The following PLCB4 variants were observed in gnomAD, a reference collection of about 807,000 sequenced individuals.
PLCB4 encodes the protein phospholipase C beta 4.
Under a neutral mutation model 178.8 loss-of-function variants are expected in PLCB4, and 77 were observed. The observed-to-expected ratio is 0.43, with a 90% CI of 0.36 to 0.52. The LOEUF (loss-of-function observed/expected upper bound fraction) is 0.52. Among genes scored for constraint, PLCB4 ranks in the 20% least tolerant of loss-of-function variants. The probability of loss-of-function intolerance (pLI) is 0.00; values close to 1 mark genes in which losing one functional copy is unlikely to be tolerated. For synonymous variants in PLCB4, 496 were observed against 490.8 expected (o/e 1.01, Z -0.14); for missense variants, 1,024 against 1,453.4 (o/e 0.70, Z 4.80).
intron 4 of PLCB4, among the ~76,000 whole-genome samples, chr20:9,309,317 T>A (rs1215828706): frequency 6.6e-6 from 1 of 152,208 alleles, no homozygotes; most frequent in Non-Finnish European, 1.5e-5. Context: ...ATGTATTTAT[T>A]CCAACTGGTT....
chr20:9,436,177 C>T (rs1847343421), intron 29 of PLCB4, among the ~76,000 whole-genome samples: 1 of 152,110 alleles, frequency 6.6e-6, no homozygotes. Flanking sequence ...GTCCCATCCC[C>T]AGGATACCTC....
At chr20:9,417,434 T>G (rs113720321) in intron 25 of PLCB4, among the ~76,000 whole-genome samples, 1 of 152,204 alleles carries the variant, frequency 6.6e-6, no homozygotes, top group East Asian at 1.9e-4. Context: ...ACATTTGATA[T>G]AAATGAATTT....
At chr20:9,185,858 C>G (rs1460323786) in intron 2 of PLCB4, among the ~76,000 whole-genome samples, 1 of 152,166 alleles carries the variant, frequency 6.6e-6, no homozygotes, top group African/African-American at 2.4e-5. Flanking sequence ...GGCTAAATCT[C>G]TCATTTCCTT....
chr20:9,242,214 T>C (rs2094071457), intron 3 of PLCB4, among the ~76,000 whole-genome samples: 1 of 152,180 alleles, frequency 6.6e-6, no homozygotes, highest in South Asian at 2.1e-4. Context: ...AATGGAGGCA[T>C]CAAAGCAGTC....
At chr20:9,115,109 T>C (rs746378210) in intron 2 of PLCB4, among the ~76,000 whole-genome samples, 5 of 152,194 alleles carry the variant, frequency 3.3e-5, no homozygotes, top group Non-Finnish European at 7.3e-5. Flanking sequence ...TTTTATATTC[T>C]TTTTCTCTAG....
intron 4 of PLCB4, among the ~76,000 whole-genome samples, chr20:9,312,353 TACACACACAC>T (rs34443371): frequency 0.032 from 4,042 of 127,834 alleles, 192 homozygotes; most frequent in African/African-American, 0.11. Flanking sequence ...CCTTCCACCC[TACACACACAC>T]ACACACACAC....
At chr20:9,120,713 TG>T (rs1243905710) in intron 2 of PLCB4, among the ~76,000 whole-genome samples, 1 of 151,488 alleles carries the variant, frequency 6.6e-6, no homozygotes, top group African/African-American at 2.4e-5. Context: ...GATCCCAAGG[TG>T]CCCTGCTGCA....
At chr20:9,390,053 A>G in intron 16 of PLCB4, 95 bp downstream of exon 16, 1 of 688,398 alleles carries the variant, frequency 1.5e-6, no homozygotes, top group South Asian at 1.9e-5. Context: ...ATAGCTGAAT[A>G]GTTTGTTTTG....
intron 4 of PLCB4, among the ~76,000 whole-genome samples, chr20:9,327,537 G>T (rs1233293017): frequency 6.6e-6 from 1 of 152,006 alleles, no homozygotes; most frequent in Non-Finnish European, 1.5e-5. Context: ...AGCACTTTGG[G>T]TGGCCGAGGT....
At chr20:9,410,074 C>T (rs117102635) in intron 24 of PLCB4, among the ~76,000 whole-genome samples, 2 of 152,328 alleles carry the variant, frequency 1.3e-5, no homozygotes, top group East Asian at 1.9e-4. Context: ...TTAAGAATCC[C>T]TGTCACTTCG....
intron 8 of PLCB4, among the ~76,000 whole-genome samples, chr20:9,363,446 G>A (rs146673583): frequency 2.2e-4 from 33 of 152,260 alleles, no homozygotes; most frequent in African/African-American, 6.7e-4. Flanking sequence ...TTAGCACACC[G>A]TCAGGGATCC....
At chr20:9,459,424 T>C (rs1255720562) in intron 34 of PLCB4, among the ~76,000 whole-genome samples, 1 of 152,158 alleles carries the variant, frequency 6.6e-6, no homozygotes, top group African/African-American at 2.4e-5. Context: ...AGTTAACTAT[T>C]CAGAGCCAAA....
At chr20:9,188,042 C>T (rs1182353458) in intron 2 of PLCB4, among the ~76,000 whole-genome samples, 4 of 152,224 alleles carry the variant, frequency 2.6e-5, no homozygotes, top group Admixed American at 1.3e-4. Context: ...TCATTCATTT[C>T]AGCAAAGAGT....
chr20:9,393,548 A>T (rs1348044099), intron 17 of PLCB4, 40 bp from the exon 18 acceptor site: 1 of 1,357,180 alleles, frequency 7.4e-7, no homozygotes, highest in Admixed American at 1.7e-5. Flanking sequence ...ATGGAGAAGC[A>T]CAGCCCTTCC....
At chr20:9,068,945 A>T (rs1052644089), upstream of PLCB4, 3 of 28,014 alleles carry the variant, frequency 1.1e-4, no homozygotes, top group Non-Finnish European at 2.1e-4. Flanking sequence ...CGGGGAGGCC[A>T]GGGAGGGGGT....
At chr20:9,173,733 C>T (rs1214894103) in intron 2 of PLCB4, among the ~76,000 whole-genome samples, 1 of 152,094 alleles carries the variant, frequency 6.6e-6, no homozygotes, top group Non-Finnish European at 1.5e-5. Context: ...TTACATTGAG[C>T]CCACTCAGAT....
At chr20:9,251,204 C>T (rs2094176686) in intron 3 of PLCB4, among the ~76,000 whole-genome samples, 1 of 152,150 alleles carries the variant, frequency 6.6e-6, no homozygotes, top group South Asian at 2.1e-4. Flanking sequence ...GTTAGGAGAG[C>T]TTTCAACAGC....
intron 12 of PLCB4, 97 bp downstream of exon 12, chr20:9,373,201 G>A (rs548625551): frequency 1.3e-4 from 82 of 610,406 alleles, no homozygotes; most frequent in Non-Finnish European, 1.9e-4. Flanking sequence ...GCCCTTATTC[G>A]CTTTGCTTCT....
intron 18 of PLCB4, 79 bp downstream of exon 18, chr20:9,393,757 T>C (rs1203593024): frequency 2.0e-6 from 2 of 976,184 alleles, no homozygotes; most frequent in Non-Finnish European, 3.2e-6. Context: ...TTCAATTTAT[T>C]TTAAAACCAC....
Sources: gnomAD v4.1 joint callset for allele counts (sites outside exome capture counted in the v4.1 genomes callset) on GRCh38, gnomAD v4.1.1 for gene constraint, MANE v1.5 for transcripts, NCBI Gene and HGNC (gene_info 2026-07-23, HGNC 2026-07-21) for gene names.